Variants in PYGB observed in about 807,000 individuals in gnomAD.
The protein encoded by PYGB is glycogen phosphorylase, brain form.
A neutral mutation model predicts 94.3 loss-of-function variants in PYGB; 82 were observed. The ratio of observed to expected loss-of-function variants is 0.87; its 90% CI spans 0.73 to 1.04. PYGB has a LOEUF of 1.04. Among genes scored for constraint, PYGB ranks in the 50% least tolerant of loss-of-function variants. The pLI, the probability that PYGB is intolerant of heterozygous loss-of-function variation, is 0.00. For missense variants in PYGB, 1,132 were observed against 1,158.2 expected, an observed-to-expected ratio of 0.98 and a Z score of 0.33; for synonymous variants, 488 against 479.1, an observed-to-expected ratio of 1.02 and a Z score of -0.24.
rs2088550292 is a variant in PYGB at position 25,296,577 on chromosome 20, C to T, written c.*55C>T. Reference sequence around the variant, plus strand: ...CATTTGTTTTCTTGCTGACTTTGCACCTCCTTTTTTCCCCAAACACTTTGC... The same window carrying T: ...CATTTGTTTTCTTGCTGACTTTGCATCTCCTTTTTTCCCCAAACACTTTGC... On this transcript the variant is annotated 3_prime_UTR_variant, in exon 20 of 20. Transcript: ENST00000216962. 6.4e-7 allele frequency: 1 copy of T among 1,562,182 alleles called. No individual in the cohort carries two copies. The highest frequency in any genetic ancestry group is 2.3e-5 in the East Asian group (1 of 44,398).
chr20:25,269,211 A>T lies in PYGB; in HGVS notation c.424+4A>T. On this transcript the variant is annotated splice_donor_region_variant and intron_variant, in intron 3 of 19. Coordinates refer to ENST00000216962, the MANE Select transcript of PYGB (RefSeq NM_002862.4). ...GGAGGCCTGGGGAGGCTGGCAGGTA[A>T]GTTGCCCCATCCAGGAGGAGCTCTC... 1 of 1,570,308 alleles carries T rather than the reference A, an allele frequency of 6.4e-7. No individual in the cohort carries two copies. Among genetic ancestry groups the T allele is most frequent in the South Asian group, 1.1e-5 (1 of 89,940 alleles).
intron 1 of PYGB, among the ~76,000 whole-genome samples, chr20:25,250,388 T>C (rs2092884326): frequency 6.6e-6 from 1 of 152,116 alleles, no homozygotes; most frequent in Non-Finnish European, 1.5e-5. Context: ...CTCCGTGAGA[T>C]CTCTTTTGAT....
intron 14 of PYGB, chr20:25,285,301 C>A (rs1208545235): frequency 6.6e-6 from 1 of 152,236 alleles, no homozygotes; most frequent in Non-Finnish European, 1.5e-5. Context: ...CTGTGTTCCC[C>A]TGGTGGTGAC....
At position 25,294,816 on chromosome 20, in the gene PYGB, T is replaced by A. The variant is rs901422078; in HGVS notation, c.2312+524T>A. ...GTATGGTTTATCTAGAGTTACAGAC[T>A]TTGTAAGGTTTGCAGCTCAGGGCAG... On this transcript the variant is annotated intron_variant, in intron 18 of 19. Coordinates refer to ENST00000216962, the MANE Select transcript of PYGB (RefSeq NM_002862.4). The A allele has an allele frequency of 7.7e-6, 6 of 775,936 alleles. No individual in the cohort carries two copies. The African/African-American group carries it at 1.0e-4, about 13-fold the overall frequency. 48.1% of individuals were successfully genotyped at this position (775,936 alleles called of 1,614,324 possible). A position where few individuals can be genotyped will look rare whatever the true frequency, so the allele number is the denominator to read the frequency against.
intron 4 of PYGB, 27 bp from the exon 5 acceptor site, chr20:25,274,565 G>T: frequency 6.2e-7 from 1 of 1,608,594 alleles, no homozygotes; most frequent in Non-Finnish European, 8.5e-7. Flanking sequence ...TGCGCTGAGG[G>T]TGCCCTCACA....
chr20:25,295,069 C>CA (rs1394339189), intron 18 of PYGB: 1 of 1,599,892 alleles, frequency 6.3e-7, no homozygotes, highest in Non-Finnish European at 8.6e-7. Context: ...GTGAACTCTG[C>CA]ATTTCGTGAA....
chr20:25,250,590 T>C (rs1046910243), intron 1 of PYGB, among the ~76,000 whole-genome samples: 3 of 152,236 alleles, frequency 2.0e-5, no homozygotes, highest in Non-Finnish European at 4.4e-5. Flanking sequence ...CTTGCAATCC[T>C]TTCTTTGGAA....
intron 1 of PYGB, among the ~76,000 whole-genome samples, chr20:25,255,168 A>T (rs1458663918): frequency 6.6e-6 from 1 of 152,200 alleles, no homozygotes; most frequent in Non-Finnish European, 1.5e-5. Flanking sequence ...ACAGTAGTGG[A>T]TTATCAGATT....
At chr20:25,287,169 C>T (rs1267280506) in intron 14 of PYGB, among the ~76,000 whole-genome samples, 2 of 152,202 alleles carry the variant, frequency 1.3e-5, no homozygotes, top group South Asian at 2.1e-4. Flanking sequence ...GGCAGTGAGC[C>T]GGCCGTCATG....
In PYGB at chr20:25,282,140, T is replaced by A; in HGVS notation, c.1511T>A (p.Ile504Asn). The A allele has an allele frequency of 1.9e-6, 3 of 1,611,556 alleles. No individual in the cohort carries two copies. The highest frequency in any genetic ancestry group is 2.5e-6 in the Non-Finnish European group (3 of 1,178,864). Reference protein sequence around the residue: ...LLCNPGLADTIVEKIGEEFLT... With the variant: ...LLCNPGLADTNVEKIGEEFLT... ...TGCAACCCGGGGCTGGCCGATACCA[T>A]CGTGGAGGTGAGTCCCGGGCCCCAC... Residue 504 changes from isoleucine (I) to asparagine (N), a missense_variant, in exon 12 of 20, where the codon ATC becomes AAC. Transcript: ENST00000216962.
intron 5 of PYGB, among the ~76,000 whole-genome samples, chr20:25,275,746 C>A (rs1424710063): frequency 6.6e-6 from 1 of 152,178 alleles, no homozygotes; most frequent in Non-Finnish European, 1.5e-5. Context: ...TGGGCTTAGC[C>A]CCGAGGCCTG....
In PYGB at chr20:25,268,161, G is replaced by GCCCCCGC. The variant is rs1555806060; in HGVS notation, c.346-963_346-962insGCCCCCC. Among the ~76,000 whole-genome samples the GCCCCCGC allele has an allele frequency of 2.0e-3, 127 of 62,068 alleles. 3 individuals are homozygous for GCCCCCGC. The South Asian group carries it at 0.037, about 18-fold the overall frequency. 40.7% of individuals were successfully genotyped at this position (62,068 alleles called of 152,430 possible). On this transcript the variant is annotated intron_variant, in intron 2 of 19. Coordinates refer to ENST00000216962, the MANE Select transcript of PYGB (RefSeq NM_002862.4). The stretch of plus-strand genomic sequence containing the variant: ...CATTATTGAGTAAATCCTAGCACCC[G>GCCCCCGC]CCCCCCCCCCATATCCAAAATATTG...
At chr20:25,258,190 T>C (rs1487007084) in intron 1 of PYGB, among the ~76,000 whole-genome samples, 1 of 152,250 alleles carries the variant, frequency 6.6e-6, no homozygotes, top group Non-Finnish European at 1.5e-5. Context: ...AGAGTATTCT[T>C]AAGTTATGTA....
In PYGB at chr20:25,292,390, G is replaced by A. The variant is rs750050953; in HGVS notation, c.1970-16G>A. 6.8e-6 allele frequency: 11 copies of A among 1,609,994 alleles called. No individual in the cohort carries two copies. Among genetic ancestry groups the A allele is most frequent in the African/African-American group, 1.4e-5 (1 of 73,188 alleles). On this transcript the variant is annotated splice_polypyrimidine_tract_variant and intron_variant, in intron 16 of 19. Coordinates refer to ENST00000216962, the MANE Select transcript of PYGB (RefSeq NM_002862.4). ...GGGTCCTCACAGTGATCCCCTCCAC[G>A]GGCTCCCCTCCACAGTGATCCCGGC...
chr20:25,295,770 C>G, intron 19 of PYGB, 100 bp downstream of exon 19: 2 of 1,363,762 alleles, frequency 1.5e-6, no homozygotes. Context: ...AGATTCTTGG[C>G]CTGGGCCAGA....
At chr20:25,255,964 C>T (rs1375630149) in intron 1 of PYGB, among the ~76,000 whole-genome samples, 4 of 152,134 alleles carry the variant, frequency 2.6e-5, no homozygotes, top group Non-Finnish European at 5.9e-5. Context: ...AGCTCCTGAC[C>T]TCAAGTGATA....
Position 25,296,478 on chromosome 20 carries a change from C to T in PYGB, c.2488C>T (p.Pro830Ser). The change falls in exon 20 of 20, where the codon CCC (proline) becomes TCC (serine). Residue 830 changes from proline to serine, a missense_variant. Physicochemically the swap from Pro to Ser is moderately conservative, Grantham distance 74. Transcript: ENST00000216962. Reference sequence around the variant, plus strand: ...TGCACGGGAGATCTGGGGTGTGGAGCCCTCCGACCTGCAGATCCCGCCCCC... The same window carrying T: ...TGCACGGGAGATCTGGGGTGTGGAGTCCTCCGACCTGCAGATCCCGCCCCC... ...EYAREIWGVE[P>S]SDLQIPPPNI... 1 of 1,613,810 alleles carries T rather than the reference C, an allele frequency of 6.2e-7. No individual in the cohort carries two copies. The highest frequency in any genetic ancestry group is 1.1e-5 in the South Asian group (1 of 91,070).
In PYGB at chr20:25,297,070, GC is replaced by G; in HGVS notation, c.*553del. 6.2e-6 allele frequency: 1 copy of G among 160,552 alleles called. No homozygotes were observed. Among genetic ancestry groups the G allele is most frequent in the African/African-American group, 2.4e-5 (1 of 41,618 alleles). The allele number at this position is 160,552 out of a possible 1,614,324, so 9.9% of individuals were successfully genotyped here. On this transcript the variant is annotated 3_prime_UTR_variant, in exon 20 of 20. Coordinates refer to ENST00000216962, the MANE Select transcript of PYGB (RefSeq NM_002862.4). ...CTAGGCATCGCCTTCACAGCCCCCTGCCCCCTGCCCTCTGTCCTGGCTCTGC... is the reference window on the plus strand; with the variant it reads ...CTAGGCATCGCCTTCACAGCCCCCTGCCCCTGCCCTCTGTCCTGGCTCTGC...
intron 5 of PYGB, among the ~76,000 whole-genome samples, chr20:25,275,291 G>T (rs867276352): frequency 5.9e-5 from 9 of 152,260 alleles, no homozygotes; most frequent in South Asian, 2.1e-4. Context: ...CAGGGCAAGA[G>T]CCTAGAGTGC....
Sources: gnomAD v4.1 joint callset for allele counts (sites outside exome capture counted in the v4.1 genomes callset) on GRCh38, gnomAD v4.1.1 for gene constraint, MANE v1.5 for transcripts, NCBI Gene and HGNC (gene_info 2026-07-23, HGNC 2026-07-21) for gene names.